ANKRD18A: variants seen among roughly 807,000 people sequenced by gnomAD.
The protein encoded by ANKRD18A is ankyrin repeat domain 18A, also known as ankyrin repeat domain-containing protein 18A.
A neutral mutation model predicts 110.6 loss-of-function variants in ANKRD18A; 72 were observed. The observed-to-expected ratio is 0.65, with a 90% CI of 0.54 to 0.79. ANKRD18A has a LOEUF of 0.79. ANKRD18A is among the 30% of genes least tolerant of loss of function. The probability of loss-of-function intolerance (pLI) is 0.00; values close to 1 mark genes in which losing one functional copy is unlikely to be tolerated. For missense variants in ANKRD18A, 934 were observed against 1,163.3 expected, an observed-to-expected ratio of 0.80 and a Z score of 2.87; for synonymous variants, 305 against 410.3, an observed-to-expected ratio of 0.74 and a Z score of 3.10.
chr9:38,571,366 C>T lies in ANKRD18A; in HGVS notation c.*679G>A. ...GCACCAGAATCATGAGCTTTCCCTT[C>T]TCCTTTATTTATTGGTTTTATTTCT... is the stretch of plus-strand genomic sequence containing the variant. On this transcript the variant is annotated 3_prime_UTR_variant, in exon 16 of 16. Transcript: ENST00000399703. The T allele has an allele frequency of 1.3e-6, 1 of 780,944 alleles. No homozygotes were observed. The highest frequency in any genetic ancestry group is 1.8e-6 in the Non-Finnish European group (1 of 558,166). 48.4% of individuals were successfully genotyped at this position (780,944 alleles called of 1,614,324 possible).
intron 15 of ANKRD18A, among the ~76,000 whole-genome samples, chr9:38,573,488 G>A (rs1298530071): frequency 1.3e-5 from 2 of 152,254 alleles, no homozygotes; most frequent in East Asian, 3.9e-4. Flanking sequence ...AGGCAAATGT[G>A]GGCAGATCAC....
rs903071918 is a variant in ANKRD18A at position 38,584,058 on chromosome 9, A to G, written c.2247+2125T>C. ...TGCAGAGGAGGAGCCTGGCCTCTTCAGCTCCTGTGTGCCTGTCCTGGTATT... is the reference window on the plus strand; with the variant it reads ...TGCAGAGGAGGAGCCTGGCCTCTTCGGCTCCTGTGTGCCTGTCCTGGTATT... On this transcript the variant is annotated intron_variant, in intron 12 of 15. Coordinates refer to ENST00000399703, the MANE Select transcript of ANKRD18A (RefSeq NM_147195.4). Among the ~76,000 whole-genome samples, 10 of 152,326 alleles carry G rather than the reference A, an allele frequency of 6.6e-5. No individual in the cohort carries two copies. The East Asian group carries it at 9.7e-4, about 15-fold the overall frequency.
Position 38,575,642 on chromosome 9 carries a change from A to T in ANKRD18A, c.2798T>A (p.Met933Lys). ...AGGAAGAGTGCTGAGAAAATATTTC[A>T]TCCGCTGTTTCTCCGTAAAGAGCTT... ...STKLFTEKQR[M>K]KYFLSTLPTR... is the part of the protein sequence containing the mutation. Residue 933 changes from methionine to lysine, a missense_variant, in exon 15 of 16, where the codon ATG (methionine) becomes AAG (lysine). By Grantham distance (95) the Met-to-Lys change is moderately conservative. This residue lies in a region of ANKRD18A where 223 missense variants were observed against 226.7 expected (regional missense o/e 0.98). Coordinates refer to ENST00000399703, the MANE Select transcript of ANKRD18A (RefSeq NM_147195.4). 1.3e-6 allele frequency: 2 copies of T among 1,551,770 alleles called. No homozygotes were observed. The highest frequency in any genetic ancestry group is 1.7e-6 in the Non-Finnish European group (2 of 1,146,880).
intron 10 of ANKRD18A, among the ~76,000 whole-genome samples, chr9:38,591,636 G>A (rs993938619): frequency 1.1e-4 from 17 of 152,190 alleles, no homozygotes; most frequent in Non-Finnish European, 2.1e-4. Flanking sequence ...TAGGGAGGTG[G>A]CATTCCAATG....
rs1190830712 is a variant in ANKRD18A at position 38,601,201 on chromosome 9, T to C, written c.866A>G (p.Glu289Gly). 15 of 1,555,608 alleles carry C rather than the reference T, an allele frequency of 9.6e-6. No individual in the cohort carries two copies. Among genetic ancestry groups the C allele is most frequent in the Non-Finnish European group, 1.2e-5 (14 of 1,148,820 alleles). Residue 289 changes from glutamate to glycine, a missense_variant, in exon 8 of 16, where the codon GAA becomes GGA. Transcript: ENST00000399703. ...LKKRKERAKA[E>G]HNLKVASEEK... ...CTCTGAAGCCACTTTTAGGTTGTGT[T>C]CTGCTGACAAATCCATATGTTTAGT...
chr9:38,610,055 A>T (rs545034578), intron 5 of ANKRD18A, among the ~76,000 whole-genome samples: 1 of 152,218 alleles, frequency 6.6e-6, no homozygotes, highest in Non-Finnish European at 1.5e-5. Context: ...TCCTAGGGAT[A>T]AAGGTCTTTA....
chr9:38,593,138 C>G (rs1156361730), intron 10 of ANKRD18A, among the ~76,000 whole-genome samples: 5 of 152,160 alleles, frequency 3.3e-5, no homozygotes, highest in Admixed American at 1.3e-4. Context: ...ATGGTAGGAT[C>G]CAGATAATTT....
intron 15 of ANKRD18A, among the ~76,000 whole-genome samples, chr9:38,573,351 T>C (rs571974052): frequency 3.7e-4 from 57 of 152,332 alleles, no homozygotes; most frequent in Middle Eastern, 6.8e-3. Flanking sequence ...TTTAGAGTAA[T>C]CTGACAAAAA....
intron 5 of ANKRD18A, among the ~76,000 whole-genome samples, chr9:38,609,616 G>A (rs1186386910): frequency 6.6e-6 from 1 of 152,052 alleles, no homozygotes; most frequent in Non-Finnish European, 1.5e-5. Context: ...TGCAGGACCA[G>A]TTACAATGGC....
chr9:38,584,738 C>T (rs966746291), intron 12 of ANKRD18A, among the ~76,000 whole-genome samples: 5 of 152,000 alleles, frequency 3.3e-5, no homozygotes. Context: ...AGTATCAAGT[C>T]TGTAAAATTA....
chr9:38,573,016 G>T, intron 15 of ANKRD18A: 2 of 911,036 alleles, frequency 2.2e-6, no homozygotes, highest in Non-Finnish European at 1.6e-6. Flanking sequence ...GAAAAGGAAT[G>T]CCATTTGCTA....
chr9:38,615,656 T>C lies in ANKRD18A; in HGVS notation c.433A>G (p.Lys145Glu), dbSNP rs1233627185. 2.5e-6 allele frequency: 4 copies of C among 1,611,738 alleles called. No individual in the cohort carries two copies. The Admixed American group carries it at 5.0e-5, about 20-fold the overall frequency. The change falls in exon 3 of 16, where the codon AAG (lysine) becomes GAG (glutamate). Residue 145 changes from lysine to glutamate, a missense_variant. Lys to Glu is a moderately conservative substitution (Grantham distance 56, BLOSUM62 1). Around this residue, in one of 4 missense-constraint regions of ANKRD18A, gnomAD observed 630 missense variants for 797.5 expected, o/e 0.79. Coordinates refer to ENST00000399703, the MANE Select transcript of ANKRD18A (RefSeq NM_147195.4). Reference sequence around the variant, plus strand: ...AGTCTTTCTGCCAGTGAAGTCCCCTTATTATACACGGCATAATGGAGAGCA... The same window carrying C: ...AGTCTTTCTGCCAGTGAAGTCCCCTCATTATACACGGCATAATGGAGAGCA... ...NTALHYAVYN[K>E]GTSLAERLLS...
intron 3 of ANKRD18A, 137 bp downstream of exon 3, chr9:38,615,457 A>G (rs1225839425): frequency 1.6e-6 from 2 of 1,254,986 alleles, no homozygotes; most frequent in Non-Finnish European, 1.1e-6. Flanking sequence ...AAGTATCAAT[A>G]TTTAAAGTAA....
At chr9:38,612,693 A>AT (rs1159077678) in intron 3 of ANKRD18A, among the ~76,000 whole-genome samples, 1 of 151,544 alleles carries the variant, frequency 6.6e-6, no homozygotes, top group Non-Finnish European at 1.5e-5. Flanking sequence ...AACTTTTTGT[A>AT]TTTTTAGTAG....
rs909392654 is a variant in ANKRD18A, at chr9:38,593,899, C to G, written c.1865G>C (p.Arg622Thr). The G allele has an allele frequency of 6.1e-6, 9 of 1,481,208 alleles. No individual in the cohort carries two copies. In the African/African-American group the frequency reaches 1.3e-4, roughly 21 times the overall value. The allele number at this position is 1,481,208 out of a possible 1,614,324, so 91.8% of individuals were successfully genotyped here. A position where few individuals can be genotyped will look rare whatever the true frequency, so the allele number is the denominator to read the frequency against. Residue 622 changes from arginine to threonine, a missense_variant, in exon 10 of 16, where the codon AGA becomes ACA. By Grantham distance (71) the Arg-to-Thr change is moderately conservative (BLOSUM62 -1). This residue lies in a region of ANKRD18A where 630 missense variants were observed against 797.5 expected (regional missense o/e 0.79). Coordinates refer to ENST00000399703, the MANE Select transcript of ANKRD18A (RefSeq NM_147195.4). ...ATCGACCAGTTCTTCTTGAAATTCT[C>G]TCACAATCACCTGACAAAATATTTT... ...KEKAEREVIV[R>T]EFQEELVDHL...
chr9:38,577,990 T>C lies in ANKRD18A; in HGVS notation c.2406A>G (p.Val802=), dbSNP rs1480215732. The C allele has an allele frequency of 9.6e-6, 15 of 1,566,130 alleles. No homozygotes were observed. Among genetic ancestry groups the C allele is most frequent in the African/African-American group, 9.5e-5 (7 of 73,370 alleles). The change falls in exon 13 of 16, where the codon GTA becomes GTG. Residue 802 remains valine (V), a synonymous_variant. Coordinates refer to ENST00000399703, the MANE Select transcript of ANKRD18A (RefSeq NM_147195.4). ...TTTCCATATGTGTCTTAAGATTTAATACTTCTTCTTCCAACATCTTTTTAT... is the reference window on the plus strand; with the variant it reads ...TTTCCATATGTGTCTTAAGATTTAACACTTCTTCTTCCAACATCTTTTTAT... ...EKDKKMLEEE[V]LNLKTHMEKD... is the part of the protein sequence containing the mutation.
downstream of ANKRD18A, chr9:38,569,058 G>T: frequency 1.0e-6 from 1 of 985,388 alleles, no homozygotes; most frequent in Non-Finnish European, 1.2e-6. Flanking sequence ...GCTGCATGCT[G>T]CCCTGGCTTC....
chr9:38,611,393 A>C, intron 3 of ANKRD18A, 72 bp from the exon 4 acceptor site: 1 of 1,498,088 alleles, frequency 6.7e-7, no homozygotes, highest in South Asian at 1.3e-5. Context: ...AATCTTCTAT[A>C]AGATGCTATG....
At chr9:38,575,139 A>T (rs948392259) in intron 15 of ANKRD18A, among the ~76,000 whole-genome samples, 1 of 152,102 alleles carries the variant, frequency 6.6e-6, no homozygotes, top group Admixed American at 6.6e-5. Context: ...ACTACAATCA[A>T]GTAGAGTAAG....
Sources: gnomAD v4.1 joint callset for allele counts (sites outside exome capture counted in the v4.1 genomes callset) on GRCh38, gnomAD v4.1.1 for gene constraint, gnomAD v4.1.1 regional missense constraint, MANE v1.5 for transcripts, NCBI Gene and HGNC (gene_info 2026-07-23, HGNC 2026-07-21) for gene names.